The following COL22A1 variants were observed in gnomAD, a reference collection of about 807,000 sequenced individuals.
COL22A1 encodes collagen alpha-1(XXII) chain.
COL22A1 carries 221 observed loss-of-function variants against 248.9 expected under a neutral mutation model. The observed-to-expected ratio is 0.89, with a 90% CI of 0.80 to 0.99. The LOEUF is 0.99. Ranked by LOEUF, COL22A1 falls within the 50% of genes least tolerant of loss-of-function variation. The pLI, the probability that COL22A1 is intolerant of heterozygous loss-of-function variation, is 0.00. For synonymous variants in COL22A1, 891 were observed against 793.4 expected (o/e 1.12, Z -2.07); for missense variants, 2,240 against 2,179.0 (o/e 1.03, Z -0.56).
At chr8:138,770,368 C>T (rs540594473) in intron 16 of COL22A1, among the ~76,000 whole-genome samples, 127 of 152,342 alleles carry the variant, frequency 8.3e-4, no homozygotes, top group African/African-American at 2.9e-3. Flanking sequence ...ACAGCCCACT[C>T]GGGCTCCGCC....
intron 16 of COL22A1, among the ~76,000 whole-genome samples, chr8:138,763,970 C>T (rs1174166649): frequency 6.6e-6 from 1 of 152,212 alleles, no homozygotes; most frequent in Non-Finnish European, 1.5e-5. Flanking sequence ...TCAGTGTGGG[C>T]CCCGCTGACA....
At chr8:138,606,949 A>G (rs2131857117) in intron 57 of COL22A1, among the ~76,000 whole-genome samples, 1 of 152,222 alleles carries the variant, frequency 6.6e-6, no homozygotes, top group Middle Eastern at 3.4e-3. Context: ...TCTTGACCCA[A>G]TCCCACCTCC....
At chr8:138,723,872 A>G (rs964466344) in intron 25 of COL22A1, among the ~76,000 whole-genome samples, 5 of 152,176 alleles carry the variant, frequency 3.3e-5, no homozygotes, top group Admixed American at 6.5e-5. Flanking sequence ...TCTGTGCTCC[A>G]TGGAGAAGTG....
chr8:138,890,197 TA>T (rs888149249), intron 1 of COL22A1, among the ~76,000 whole-genome samples: 2 of 151,346 alleles, frequency 1.3e-5, no homozygotes, highest in Admixed American at 6.6e-5. Flanking sequence ...CCTTTCATGA[TA>T]AAAAAAATAA....
intron 59 of COL22A1, 79 bp from the exon 60 acceptor site, chr8:138,602,238 G>A (rs369136904): frequency 6.6e-7 from 1 of 1,511,234 alleles, no homozygotes; most frequent in East Asian, 2.3e-5. Context: ...ATTCTTCACA[G>A]TCCTGCATGC....
intron 61 of COL22A1, among the ~76,000 whole-genome samples, chr8:138,597,370 A>G (rs1462140575): frequency 2.6e-5 from 4 of 152,160 alleles, no homozygotes; most frequent in Admixed American, 1.3e-4. Flanking sequence ...CATAGCCTAC[A>G]GGCTGCCTTC....
chr8:138,610,883 G>A (rs1818805886), intron 56 of COL22A1, among the ~76,000 whole-genome samples: 1 of 152,218 alleles, frequency 6.6e-6, no homozygotes, highest in East Asian at 1.9e-4. Context: ...GGACAACATA[G>A]TGAGACCTCA....
Position 138,623,947 on chromosome 8 carries a change from G to T in COL22A1, c.3718-162C>A, listed in dbSNP as rs543743793. 6.6e-5 allele frequency among the ~76,000 whole-genome samples: 10 copies of T among 152,202 alleles called. No individual in the cohort carries two copies. In the East Asian group the frequency reaches 7.7e-4, roughly 12 times the overall value. ...CGGACAGAATTGTTCTGATTTCCTGGTTTTTTTCTCAACACCAAGATTCCA... is the reference window on the plus strand; with the variant it reads ...CGGACAGAATTGTTCTGATTTCCTGTTTTTTTTCTCAACACCAAGATTCCA... On this transcript the variant is annotated intron_variant, in intron 51 of 64. Coordinates refer to ENST00000303045, the MANE Select transcript of COL22A1 (RefSeq NM_152888.3).
intron 30 of COL22A1, among the ~76,000 whole-genome samples, chr8:138,712,952 A>G (rs1829119710): frequency 6.6e-6 from 1 of 152,216 alleles, no homozygotes; most frequent in African/African-American, 2.4e-5. Flanking sequence ...GTCTTCTTAG[A>G]CAATGACTGT....
At chr8:138,818,753 T>C (rs1818875263) in intron 7 of COL22A1, among the ~76,000 whole-genome samples, 1 of 152,246 alleles carries the variant, frequency 6.6e-6, no homozygotes, top group Non-Finnish European at 1.5e-5. Flanking sequence ...CACAAGTAGC[T>C]AGAATTAGCA....
chr8:138,706,034 CAAAG>C (rs1828404950), intron 30 of COL22A1, among the ~76,000 whole-genome samples: 1 of 152,128 alleles, frequency 6.6e-6, no homozygotes, highest in African/African-American at 2.4e-5. Flanking sequence ...TCAAAACAGA[CAAAG>C]AAGGCCATTA....
At chr8:138,881,401 T>C (rs911593404) in intron 2 of COL22A1, among the ~76,000 whole-genome samples, 2 of 152,084 alleles carry the variant, frequency 1.3e-5, no homozygotes, top group Admixed American at 6.5e-5. Flanking sequence ...AATGTCACTT[T>C]CTGGGTGGGT....
intron 37 of COL22A1, among the ~76,000 whole-genome samples, chr8:138,688,270 C>T (rs987893355): frequency 6.6e-6 from 1 of 151,716 alleles, no homozygotes; most frequent in Non-Finnish European, 1.5e-5. Flanking sequence ...CCTGTAATCC[C>T]AGCACTTTGG....
chr8:138,778,376 G>A lies in COL22A1; in HGVS notation c.1735C>T (p.Pro579Ser). Residue 579 changes from proline (P) to serine (S), a missense_variant, in exon 15 of 65, where the codon CCT becomes TCT. Coordinates refer to ENST00000303045, the MANE Select transcript of COL22A1 (RefSeq NM_152888.3). ...ACAGGAGCTCCGACACGTCCAGGAG[G>A]TCCGGGGAGTCCAGGTGGTCCTTGG... is the stretch of plus-strand genomic sequence containing the variant. The part of the protein sequence containing the change: ...GPQGPPGLPG[P>S]PGRVGAPGLQ... 2 of 1,611,812 alleles carry A rather than the reference G, an allele frequency of 1.2e-6. No individual in the cohort carries two copies. The highest frequency in any genetic ancestry group is 1.1e-5 in the South Asian group (1 of 90,550).
intron 24 of COL22A1, 97 bp from the exon 25 acceptor site, chr8:138,724,765 C>T: frequency 8.6e-7 from 1 of 1,164,042 alleles, no homozygotes; most frequent in Non-Finnish European, 1.3e-6. Flanking sequence ...GCCTCTGGGT[C>T]TGAGGAGGGC....
rs143950544 is a variant in COL22A1 at position 138,608,474 on chromosome 8, C to T, written c.3979-485G>A. Among the ~76,000 whole-genome samples, 8 of 152,202 alleles carry T rather than the reference C, an allele frequency of 5.3e-5. No homozygotes were observed. The East Asian group carries it at 1.5e-3, about 29-fold the overall frequency. On this transcript the variant is annotated intron_variant, in intron 56 of 64. Coordinates refer to ENST00000303045, the MANE Select transcript of COL22A1 (RefSeq NM_152888.3). ...GATCATTATACTCTCATTTAAAATA[C>T]GTAGATACTGAGGCACAGAGAAGAA...
chr8:138,833,751 G>A (rs575530259), intron 4 of COL22A1, among the ~76,000 whole-genome samples: 2 of 152,208 alleles, frequency 1.3e-5, no homozygotes, highest in African/African-American at 2.4e-5. Context: ...GACCTTATAC[G>A]CATTGTCAAT....
At chr8:138,859,816 T>G (rs1028215972) in intron 3 of COL22A1, among the ~76,000 whole-genome samples, 5 of 152,208 alleles carry the variant, frequency 3.3e-5, no homozygotes, top group African/African-American at 7.2e-5. Flanking sequence ...CCTGCATGGC[T>G]GTGAGCCGCC....
At chr8:138,805,739 T>A (rs1817529873) in intron 10 of COL22A1, among the ~76,000 whole-genome samples, 1 of 145,260 alleles carries the variant, frequency 6.9e-6, no homozygotes, top group African/African-American at 2.6e-5. Flanking sequence ...TGTGTGTATA[T>A]GTGATGGTGT....
Sources: allele counts gnomAD v4.1 joint callset (sites outside exome capture counted in the v4.1 genomes callset), GRCh38; gene constraint gnomAD v4.1.1; transcripts MANE v1.5; gene names NCBI Gene and HGNC (gene_info 2026-07-23, HGNC 2026-07-21).